DISC1: variants seen among roughly 807,000 people sequenced by gnomAD.
DISC1 encodes the protein DISC1 scaffold protein.
A neutral mutation model predicts 84.5 loss-of-function variants in DISC1; 57 were observed. That is an observed-to-expected ratio of 0.67 (90% CI 0.55 to 0.84). The LOEUF is 0.84. DISC1 is among the 40% of genes least tolerant of loss of function. The probability of loss-of-function intolerance (pLI) is 0.00; values close to 1 mark genes in which losing one functional copy is unlikely to be tolerated. For synonymous variants in DISC1, 411 were observed against 415.2 expected, an observed-to-expected ratio of 0.99 and a Z score of 0.12; for missense variants, 1,000 against 1,057.8, an observed-to-expected ratio of 0.95 and a Z score of 0.76.
Position 231,818,513 on chromosome 1 carries a change from C to G in DISC1, c.1977C>G (p.Ala659=), listed in dbSNP as rs781439697. ...GAGAAGTGGAGCACCAGGAGACTGCCTATGGTAGGTAGTGCACAACTGTTC... is the reference window on the plus strand; with the variant it reads ...GAGAAGTGGAGCACCAGGAGACTGCGTATGGTAGGTAGTGCACAACTGTTC... ...LRREVEHQET[A]YETSVKENTM... is the part of the protein sequence containing the mutation. Residue 659 remains alanine, a synonymous_variant, in exon 9 of 13, where the codon GCC becomes GCG. Coordinates refer to ENST00000439617, the MANE Select transcript of DISC1 (RefSeq NM_018662.3). 2.5e-6 allele frequency: 4 copies of G among 1,614,010 alleles called. No homozygotes were observed. Among genetic ancestry groups the G allele is most frequent in the Non-Finnish European group, 2.5e-6 (3 of 1,179,952 alleles).
intron 9 of DISC1, among the ~76,000 whole-genome samples, chr1:231,837,900 T>A (rs2082736785): frequency 6.6e-6 from 1 of 152,256 alleles, no homozygotes. Context: ...TTGCCACAAT[T>A]GAAATATTAA....
At chr1:231,907,131 C>CTCTTTCTTTCTTTCTTTCTTTCTTTCTT (rs1258067740) in intron 9 of DISC1, among the ~76,000 whole-genome samples, 4 of 93,100 alleles carry the variant, frequency 4.3e-5, no homozygotes, top group East Asian at 7.3e-4. Context: ...TCCTTCCTTC[C>CTCTTTCTTTCTTTCTTTCTTTCTTTCTT]TCTTTCTTTC....
intron 9 of DISC1, among the ~76,000 whole-genome samples, chr1:231,906,980 TCTTTC>T (rs1346601821): frequency 6.7e-6 from 1 of 149,840 alleles, no homozygotes; most frequent in East Asian, 1.9e-4. Flanking sequence ...CTCTTTCTTT[TCTTTC>T]TTTTCTTTCT....
intron 9 of DISC1, among the ~76,000 whole-genome samples, chr1:231,839,523 C>T (rs1361503912): frequency 6.6e-6 from 1 of 152,048 alleles, no homozygotes; most frequent in Non-Finnish European, 1.5e-5. Flanking sequence ...CATGAGATAC[C>T]TTTTCACCAG....
rs1197769281 is a variant in DISC1, at chr1:232,038,780, C to T, written c.*1949C>T. ...TGGTTGTTCTGTTTGTGCTTCTGTT[C>T]TCATTTATGTGTTTAGGGATAGTGA... On this transcript the variant is annotated 3_prime_UTR_variant, in exon 13 of 13. Transcript: ENST00000439617. 1 of 152,134 alleles carries T rather than the reference C, an allele frequency of 6.6e-6. No individual in the cohort carries two copies. Among genetic ancestry groups the T allele is most frequent in the Non-Finnish European group, 1.5e-5 (1 of 68,030 alleles). 9.4% of individuals were successfully genotyped at this position (152,134 alleles called of 1,614,324 possible). A position where few individuals can be genotyped will look rare whatever the true frequency, so the allele number is the denominator to read the frequency against.
At chr1:231,738,718 T>C (rs2125245980) in intron 3 of DISC1, among the ~76,000 whole-genome samples, 1 of 152,332 alleles carries the variant, frequency 6.6e-6, no homozygotes, top group South Asian at 2.1e-4. Context: ...TTCTGATGCC[T>C]ACTCCCCATC....
At chr1:231,648,665 C>A (rs187260428) in intron 1 of DISC1, among the ~76,000 whole-genome samples, 1 of 151,558 alleles carries the variant, frequency 6.6e-6, no homozygotes, top group African/African-American at 2.4e-5. Context: ...TGGTAGAATT[C>A]GGCTGTGAAC....
chr1:232,039,833 C>G lies in DISC1; in HGVS notation c.*3002C>G, dbSNP rs1252129517. 2.0e-5 allele frequency: 3 copies of G among 152,082 alleles called. No individual in the cohort carries two copies. Among genetic ancestry groups the G allele is most frequent in the Non-Finnish European group, 2.9e-5 (2 of 68,026 alleles). The allele number at this position is 152,082 out of a possible 1,614,324, so 9.4% of individuals were successfully genotyped here. On this transcript the variant is annotated 3_prime_UTR_variant, in exon 13 of 13. Coordinates refer to ENST00000439617, the MANE Select transcript of DISC1 (RefSeq NM_018662.3). ...CATACTGGAAATGATGAGTTAGAAT[C>G]TGATTTGACTGGGATGTTTTATGAG... is the stretch of plus-strand genomic sequence containing the variant.
intron 10 of DISC1, among the ~76,000 whole-genome samples, chr1:231,961,783 A>G (rs1216594189): frequency 2.0e-5 from 3 of 152,178 alleles, no homozygotes; most frequent in Admixed American, 1.3e-4. Flanking sequence ...TTCACCATTG[A>G]TGGGCATCTA....
intron 9 of DISC1, among the ~76,000 whole-genome samples, chr1:231,856,720 C>A (rs1197773279): frequency 1.3e-5 from 2 of 152,148 alleles, no homozygotes; most frequent in Non-Finnish European, 2.9e-5. Context: ...TCCTTCATAT[C>A]CTCTTGAAGC....
At chr1:231,881,974 G>A (rs2086321275) in intron 9 of DISC1, among the ~76,000 whole-genome samples, 2 of 152,182 alleles carry the variant, frequency 1.3e-5, no homozygotes, top group East Asian at 3.9e-4. Flanking sequence ...GAACTTGCTT[G>A]AGGTCACATG....
At chr1:231,895,612 C>T (rs1284233323) in intron 9 of DISC1, among the ~76,000 whole-genome samples, 1 of 127,742 alleles carries the variant, frequency 7.8e-6, no homozygotes, top group Admixed American at 8.6e-5. Context: ...TTATTCTTTA[C>T]CACTGTGCTA....
chr1:231,861,947 A>G (rs2084690757), intron 9 of DISC1, among the ~76,000 whole-genome samples: 1 of 152,094 alleles, frequency 6.6e-6, no homozygotes, highest in Admixed American at 6.6e-5. Context: ...TTCTCCAGGA[A>G]AAAAAAGTCC....
Position 232,037,228 on chromosome 1 carries a change from G to A in DISC1, c.*397G>A, listed in dbSNP as rs2103074025. On this transcript the variant is annotated 3_prime_UTR_variant, in exon 13 of 13. Transcript: ENST00000439617. Reference sequence around the variant, plus strand: ...GCAACGAAAATATTTCCTGATTCAAGATTCTATAAAAAGGAAACCAAGCAT... The same window carrying A: ...GCAACGAAAATATTTCCTGATTCAAAATTCTATAAAAAGGAAACCAAGCAT... 6.5e-6 allele frequency: 1 copy of A among 153,760 alleles called. No individual in the cohort carries two copies. Among genetic ancestry groups the A allele is most frequent in the African/African-American group, 2.4e-5 (1 of 41,512 alleles). 9.5% of individuals were successfully genotyped at this position (153,760 alleles called of 1,614,324 possible). A position where few individuals can be genotyped will look rare whatever the true frequency, so the allele number is the denominator to read the frequency against.
At chr1:231,812,770 G>A (rs2080435029) in intron 8 of DISC1, among the ~76,000 whole-genome samples, 1 of 151,218 alleles carries the variant, frequency 6.6e-6, no homozygotes, top group African/African-American at 2.4e-5. Flanking sequence ...TCAGGTATCA[G>A]CATTGACTTT....
chr1:231,917,533 G>C (rs2089722600), intron 9 of DISC1, among the ~76,000 whole-genome samples: 1 of 152,142 alleles, frequency 6.6e-6, no homozygotes, highest in African/African-American at 2.4e-5. Context: ...TTTATAATGA[G>C]GAAAAGTGAA....
chr1:231,767,549 A>C (rs1030544578), intron 5 of DISC1, among the ~76,000 whole-genome samples: 1 of 152,180 alleles, frequency 6.6e-6, no homozygotes, highest in Non-Finnish European at 1.5e-5. Flanking sequence ...CTCCTGCCTC[A>C]GTCTTCCAAA....
chr1:231,818,961 G>A lies in DISC1; in HGVS notation c.1981+444G>A, dbSNP rs368804544. Reference sequence around the variant, plus strand: ...CTTCTATGTGTGGACTTTTCTGAGAGCTTCTTTCCCCAGGAAGGATGATGT... The same window carrying A: ...CTTCTATGTGTGGACTTTTCTGAGAACTTCTTTCCCCAGGAAGGATGATGT... On this transcript the variant is annotated intron_variant, in intron 9 of 12. Coordinates refer to ENST00000439617, the MANE Select transcript of DISC1 (RefSeq NM_018662.3). 40 of 1,000,650 alleles carry A rather than the reference G, an allele frequency of 4.0e-5. No individual in the cohort carries two copies. In the South Asian group the frequency reaches 1.7e-3, roughly 42 times the overall value. The allele number at this position is 1,000,650 out of a possible 1,614,324, so 62.0% of individuals were successfully genotyped here.
chr1:231,970,375 T>C (rs2102817167), intron 10 of DISC1, among the ~76,000 whole-genome samples: 1 of 152,340 alleles, frequency 6.6e-6, no homozygotes. Context: ...TGTTTCTTTC[T>C]TTCTGGTGTT....
Sources: allele counts gnomAD v4.1 joint callset (sites outside exome capture counted in the v4.1 genomes callset), GRCh38; gene constraint gnomAD v4.1.1; transcripts MANE v1.5; gene names NCBI Gene and HGNC (gene_info 2026-07-23, HGNC 2026-07-21).